Variants in USH2A observed in about 807,000 individuals in gnomAD.
The protein encoded by USH2A is Usher syndrome 2A (autosomal recessive, mild).
USH2A carries 443 observed loss-of-function variants against 538.9 expected under a neutral mutation model. The observed-to-expected ratio is 0.82, with a 90% CI of 0.76 to 0.89. USH2A has a LOEUF of 0.89. Ranked by LOEUF, USH2A falls within the 40% of genes least tolerant of loss-of-function variation. The probability of loss-of-function intolerance (pLI) is 0.00; values close to 1 mark genes in which losing one functional copy is unlikely to be tolerated. For missense variants in USH2A, 6,633 were observed against 6,324.8 expected, an observed-to-expected ratio of 1.05 and a Z score of -1.65; for synonymous variants, 2,413 against 2,273.5, an observed-to-expected ratio of 1.06 and a Z score of -1.75.
At chr1:215,939,005 G>A (rs1666571263) in intron 37 of USH2A, among the ~76,000 whole-genome samples, 1 of 152,150 alleles carries the variant, frequency 6.6e-6, no homozygotes, top group Admixed American at 6.6e-5. Flanking sequence ...TGAAATAAGT[G>A]TAAAGCTAAG....
At chr1:216,140,802 G>A (rs1303878289) in intron 21 of USH2A, among the ~76,000 whole-genome samples, 2 of 152,172 alleles carry the variant, frequency 1.3e-5, no homozygotes, top group South Asian at 2.1e-4. Flanking sequence ...AGAGGAAAGA[G>A]CAGGCCTTCA....
intron 21 of USH2A, among the ~76,000 whole-genome samples, chr1:216,143,399 C>T (rs1291825178): frequency 6.6e-6 from 1 of 152,040 alleles, no homozygotes; most frequent in Non-Finnish European, 1.5e-5. Context: ...GTACTTAGGG[C>T]ACCATTTCAT....
At chr1:215,661,686 G>T in intron 64 of USH2A, among the ~76,000 whole-genome samples, 1 of 152,278 alleles carries the variant, frequency 6.6e-6, no homozygotes, top group South Asian at 2.1e-4. Context: ...TTTAGAAAGG[G>T]ATTTCTTTTT....
chr1:216,377,415 C>T (rs1357280954), intron 3 of USH2A, among the ~76,000 whole-genome samples: 3 of 152,048 alleles, frequency 2.0e-5, no homozygotes, highest in East Asian at 3.9e-4. Context: ...TCCCTGAATA[C>T]AAAAGTAGGT....
chr1:215,645,359 T>G (rs1286350804), intron 67 of USH2A, among the ~76,000 whole-genome samples: 1 of 152,146 alleles, frequency 6.6e-6, no homozygotes, highest in East Asian at 1.9e-4. Context: ...ACTTACTAGA[T>G]GTGGAAACTG....
chr1:215,833,480 TTAAA>T (rs1399786298), intron 47 of USH2A, among the ~76,000 whole-genome samples: 3 of 151,962 alleles, frequency 2.0e-5, no homozygotes, highest in Non-Finnish European at 2.9e-5. Flanking sequence ...GTTGATACTA[TTAAA>T]TACTTACATG....
intron 4 of USH2A, among the ~76,000 whole-genome samples, chr1:216,345,295 G>T (rs1212151164): frequency 6.6e-6 from 1 of 152,018 alleles, no homozygotes; most frequent in Non-Finnish European, 1.5e-5. Context: ...GCAAATTTGA[G>T]CCTTGTTAGT....
chr1:215,709,500 T>C (rs1017938315), intron 61 of USH2A, among the ~76,000 whole-genome samples: 10 of 146,966 alleles, frequency 6.8e-5, no homozygotes, highest in Non-Finnish European at 1.0e-4. Flanking sequence ...CTTTTTCCTC[T>C]TTGAAAATGA....
intron 9 of USH2A, among the ~76,000 whole-genome samples, chr1:216,299,199 G>A (rs774185667): frequency 4.0e-5 from 6 of 151,530 alleles, no homozygotes; most frequent in Non-Finnish European, 7.4e-5. Context: ...ATGGGGTGTT[G>A]ATAATACTGA....
chr1:215,941,522 G>C (rs1436131502), intron 37 of USH2A, among the ~76,000 whole-genome samples: 6 of 152,040 alleles, frequency 3.9e-5, no homozygotes, highest in Non-Finnish European at 8.8e-5. Context: ...TCAGCTAAAA[G>C]TTATTGAACA....
intron 61 of USH2A, among the ~76,000 whole-genome samples, chr1:215,694,096 G>A (rs1658712746): frequency 6.6e-6 from 1 of 152,172 alleles, no homozygotes; most frequent in South Asian, 2.1e-4. Context: ...TCTAAAAATT[G>A]TGACTGGCAC....
intron 38 of USH2A, among the ~76,000 whole-genome samples, chr1:215,919,970 C>A (rs1379062247): frequency 6.6e-6 from 1 of 152,004 alleles, no homozygotes; most frequent in Non-Finnish European, 1.5e-5. Flanking sequence ...GTCTCTCTCT[C>A]TCTCTTAACT....
chr1:216,330,326 A>C lies in USH2A; in HGVS notation c.785-2672T>G, dbSNP rs528910008. On this transcript the variant is annotated intron_variant, in intron 4 of 71. Coordinates refer to ENST00000307340, the MANE Select transcript of USH2A (RefSeq NM_206933.4). ...CATATAGTATATTAGAATGCAATACATTTTATGAAAAACAGAAGGATTAGA... is the reference window on the plus strand; with the variant it reads ...CATATAGTATATTAGAATGCAATACCTTTTATGAAAAACAGAAGGATTAGA... Among the ~76,000 whole-genome samples the C allele has an allele frequency of 3.9e-5, 6 of 152,228 alleles. No homozygotes were observed. The South Asian group carries it at 1.2e-3, about 32-fold the overall frequency.
chr1:216,142,233 A>T (rs1339485900), intron 21 of USH2A, among the ~76,000 whole-genome samples: 2 of 152,216 alleles, frequency 1.3e-5, no homozygotes, highest in African/African-American at 4.8e-5. Flanking sequence ...TAATGGTAGA[A>T]GGTAGGGTCT....
chr1:215,769,430 A>G (rs1661218960), intron 55 of USH2A, among the ~76,000 whole-genome samples: 1 of 152,176 alleles, frequency 6.6e-6, no homozygotes, highest in Non-Finnish European at 1.5e-5. Flanking sequence ...CTGAAAGGAA[A>G]ATTAATGTAT....
intron 32 of USH2A, among the ~76,000 whole-genome samples, chr1:216,040,806 A>G (rs1268045360): frequency 6.6e-6 from 1 of 152,036 alleles, no homozygotes; most frequent in Non-Finnish European, 1.5e-5. Context: ...TTTAAAGTAC[A>G]ATTGTTTTTA....
chr1:215,934,437 C>T (rs1666440106), intron 38 of USH2A, among the ~76,000 whole-genome samples, 179 bp downstream of exon 38: 1 of 151,726 alleles, frequency 6.6e-6, no homozygotes, highest in Non-Finnish European at 1.5e-5. Context: ...AATAAAAGAT[C>T]GTCAATTAAA....
intron 10 of USH2A, 92 bp from the exon 11 acceptor site, chr1:216,289,502 T>G: frequency 6.3e-7 from 1 of 1,575,616 alleles, no homozygotes; most frequent in African/African-American, 1.3e-5. Context: ...TTTGAGGGAA[T>G]TCTATAATTT....
At chr1:215,847,737 A>G (rs1327157343) in intron 44 of USH2A, among the ~76,000 whole-genome samples, 1 of 152,122 alleles carries the variant, frequency 6.6e-6, no homozygotes, top group African/African-American at 2.4e-5. Flanking sequence ...TTGAAGTCCA[A>G]TTTCACTTAT....
Sources: gnomAD v4.1 joint callset for allele counts (sites outside exome capture counted in the v4.1 genomes callset) on GRCh38, gnomAD v4.1.1 for gene constraint, MANE v1.5 for transcripts, NCBI Gene and HGNC (gene_info 2026-07-23, HGNC 2026-07-21) for gene names.